LMO1: variants seen among roughly 807,000 people sequenced by gnomAD.
LMO1 encodes the protein LIM domain only 1.
Under a neutral mutation model 18.0 loss-of-function variants are expected in LMO1, and 10 were observed. That is an observed-to-expected ratio of 0.55 (90% CI 0.34 to 0.94). The LOEUF (loss-of-function observed/expected upper bound fraction) is 0.94, where lower values mean the gene tolerates loss of function less well. Among genes scored for constraint, LMO1 ranks in the 40% least tolerant of loss-of-function variants. The pLI is 0.02. For synonymous variants in LMO1, 77 were observed against 77.9 expected, an observed-to-expected ratio of 0.99 and a Z score of 0.06; for missense variants, 183 against 205.7, an observed-to-expected ratio of 0.89 and a Z score of 0.68.
In LMO1 at chr11:8,226,963, T is replaced by C. The variant is rs1952555751; in HGVS notation, c.365+12A>G. ...CTGGGGAGTGTGTTGGGTCGGCCAG[T>C]CCAGCACTGACCTCTGGTTGCAGAG... On this transcript the variant is annotated intron_variant, in intron 3 of 3. Transcript: ENST00000335790. 1 of 1,611,158 alleles carries C rather than the reference T, an allele frequency of 6.2e-7. No individual in the cohort carries two copies. The highest frequency in any genetic ancestry group is 1.3e-5 in the African/African-American group (1 of 74,980).
At chr11:8,255,940 C>T (rs1429642402) in intron 1 of LMO1, among the ~76,000 whole-genome samples, 2 of 150,072 alleles carry the variant, frequency 1.3e-5, no homozygotes, top group African/African-American at 4.9e-5. Flanking sequence ...ATTCTCCTGC[C>T]TCAGCCTCCT....
intron 1 of LMO1, among the ~76,000 whole-genome samples, chr11:8,238,736 T>C (rs1952805164): frequency 6.7e-6 from 1 of 149,862 alleles, no homozygotes; most frequent in Non-Finnish European, 1.5e-5. Context: ...TATTATCAAC[T>C]GAGAGGAGGA....
chr11:8,268,593 G>C (rs1342610481), upstream of LMO1: 6 of 515,878 alleles, frequency 1.2e-5, no homozygotes, highest in Non-Finnish European at 1.7e-5. Context: ...GGGGGCAGAC[G>C]GACCGGAGTC....
Position 8,254,401 on chromosome 11 carries a change from T to C in LMO1, c.25+8937A>G, listed in dbSNP as rs529505546. 1.4e-4 allele frequency among the ~76,000 whole-genome samples: 22 copies of C among 152,358 alleles called. No homozygotes were observed. In the South Asian group the frequency reaches 4.6e-3, roughly 32 times the overall value. On this transcript the variant is annotated intron_variant, in intron 1 of 3. Coordinates refer to ENST00000335790, the MANE Select transcript of LMO1 (RefSeq NM_002315.3). ...GCTTTTCAATCAGCTGGTTTATGAATGTACACAGGCCTCTCACCAGCCCAC... is the reference window on the plus strand; with the variant it reads ...GCTTTTCAATCAGCTGGTTTATGAACGTACACAGGCCTCTCACCAGCCCAC...
chr11:8,250,587 G>A (rs967932306), intron 1 of LMO1, among the ~76,000 whole-genome samples: 5 of 152,344 alleles, frequency 3.3e-5, no homozygotes, highest in African/African-American at 1.2e-4. Flanking sequence ...ACTGCCCACT[G>A]CTCCCTGGAG....
At chr11:8,231,902 C>G (rs1014453958) in intron 1 of LMO1, among the ~76,000 whole-genome samples, 1 of 152,166 alleles carries the variant, frequency 6.6e-6, no homozygotes, top group Admixed American at 6.5e-5. Context: ...CCACAAGAGG[C>G]CTTGGTCTCA....
intron 1 of LMO1, among the ~76,000 whole-genome samples, chr11:8,241,134 C>T (rs1159809278): frequency 6.6e-6 from 1 of 152,162 alleles, no homozygotes; most frequent in Non-Finnish European, 1.5e-5. Flanking sequence ...CTGATTTCTT[C>T]CCCAAACCTG....
At chr11:8,255,270 G>C (rs1294869678) in intron 1 of LMO1, among the ~76,000 whole-genome samples, 1 of 152,216 alleles carries the variant, frequency 6.6e-6, no homozygotes, top group Non-Finnish European at 1.5e-5. Context: ...ACTTTGGGAG[G>C]CTGAGGCAGG....
intron 1 of LMO1, among the ~76,000 whole-genome samples, chr11:8,239,850 C>T (rs2134547729): frequency 1.3e-5 from 2 of 152,348 alleles, no homozygotes; most frequent in Middle Eastern, 3.4e-3. Context: ...ACCCCCAGCA[C>T]CTGCAGCCAC....
upstream of LMO1, chr11:8,268,481 G>T: frequency 7.2e-7 from 1 of 1,394,156 alleles, no homozygotes; most frequent in Non-Finnish European, 9.3e-7. Flanking sequence ...CTAGCGCCGA[G>T]GATACGGAGG....
At chr11:8,238,220 G>A (rs960162275) in intron 1 of LMO1, among the ~76,000 whole-genome samples, 2 of 152,194 alleles carry the variant, frequency 1.3e-5, no homozygotes, top group Non-Finnish European at 2.9e-5. Flanking sequence ...GGAATAGTAT[G>A]TAGCAATTAA....
chr11:8,262,413 C>T (rs1015069519), intron 1 of LMO1, among the ~76,000 whole-genome samples: 11 of 152,210 alleles, frequency 7.2e-5, no homozygotes, highest in Non-Finnish European at 1.2e-4. Flanking sequence ...CATCTTAGGG[C>T]ACCCACTTGG....
intron 1 of LMO1, among the ~76,000 whole-genome samples, chr11:8,251,913 T>G (rs1395451386): frequency 7.2e-6 from 1 of 138,628 alleles, no homozygotes; most frequent in African/African-American, 2.7e-5. Context: ...GTGTGGTGGG[T>G]GTGTGGTGGG....
At chr11:8,251,058 A>G (rs379951) in intron 1 of LMO1, among the ~76,000 whole-genome samples, 90,281 of 151,966 alleles carry the variant, frequency 0.59, 27,440 homozygotes, top group East Asian at 0.86. Context: ...TGTGTGTCCC[A>G]ACCCCAGAAG....
At chr11:8,237,811 G>C (rs439667) in intron 1 of LMO1, among the ~76,000 whole-genome samples, 36,138 of 152,232 alleles carry the variant, frequency 0.24, 5,052 homozygotes, top group East Asian at 0.51. Context: ...GAGAAGAGGT[G>C]GGGTAGTGTA....
At chr11:8,246,706 A>G (rs1460143021) in intron 1 of LMO1, among the ~76,000 whole-genome samples, 1 of 152,258 alleles carries the variant, frequency 6.6e-6, no homozygotes, top group Non-Finnish European at 1.5e-5. Flanking sequence ...CAATAAAGCT[A>G]TTATAAAACA....
intron 1 of LMO1, among the ~76,000 whole-genome samples, chr11:8,254,636 C>A (rs879535877): frequency 0.031 from 2,165 of 70,198 alleles, 53 homozygotes; most frequent in Non-Finnish European, 0.049. Context: ...GAGGCTGGCC[C>A]TGGGAGGAAT....
intron 1 of LMO1, among the ~76,000 whole-genome samples, chr11:8,244,113 C>T (rs1001722548): frequency 1.3e-5 from 2 of 152,158 alleles, no homozygotes; most frequent in South Asian, 2.1e-4. Context: ...ATACAGCCAC[C>T]GTGGCCTCGG....
intron 1 of LMO1, among the ~76,000 whole-genome samples, chr11:8,250,715 G>A (rs535876984): frequency 1.3e-5 from 2 of 152,374 alleles, no homozygotes; most frequent in African/African-American, 4.8e-5. Flanking sequence ...GGTGCAGCCC[G>A]AGGCCCCATG....
Sources: gnomAD v4.1 joint callset for allele counts (sites outside exome capture counted in the v4.1 genomes callset) on GRCh38, gnomAD v4.1.1 for gene constraint, MANE v1.5 for transcripts, NCBI Gene and HGNC (gene_info 2026-07-23, HGNC 2026-07-21) for gene names.